The following MORC4 variants were observed in gnomAD, a reference collection of about 807,000 sequenced individuals.
MORC4 encodes the protein MORC family CW-type zinc finger 4, also known as MORC family CW-type zinc finger protein 4.
MORC4 carries 22 observed loss-of-function variants against 65.5 expected under a neutral mutation model. The ratio of observed to expected loss-of-function variants is 0.34; its 90% CI spans 0.24 to 0.48. The LOEUF (loss-of-function observed/expected upper bound fraction) is 0.48, where lower values mean the gene tolerates loss of function less well. Among genes scored for constraint, MORC4 ranks in the 20% least tolerant of loss-of-function variants. The pLI is 0.99. For synonymous variants in MORC4, 267 were observed against 255.8 expected (o/e 1.04, Z -0.42); for missense variants, 624 against 703.0 (o/e 0.89, Z 1.27).
chrX:106,965,753 A>C (rs1200834934), intron 9 of MORC4, among the ~76,000 whole-genome samples: 1 of 112,498 alleles, frequency 8.9e-6, no homozygotes, highest in East Asian at 2.8e-4. Context: ...CTCAGAAAGA[A>C]GTGAAAAGTA....
intron 5 of MORC4, among the ~76,000 whole-genome samples, chrX:106,983,274 T>A (rs1245325186): frequency 8.9e-6 from 1 of 112,345 alleles, no homozygotes; most frequent in Non-Finnish European, 1.9e-5. Context: ...CTCAAAAAAT[T>A]CTTTGTAATA....
chrX:106,957,752 G>A (rs1327759007), intron 11 of MORC4, among the ~76,000 whole-genome samples: 2 of 111,697 alleles, frequency 1.8e-5, no homozygotes, highest in Non-Finnish European at 3.8e-5. Flanking sequence ...ATATACAATA[G>A]GTACAGGTAC....
intron 14 of MORC4, among the ~76,000 whole-genome samples, chrX:106,952,394 T>C (rs1933995009): frequency 8.9e-6 from 1 of 112,520 alleles, no homozygotes. Flanking sequence ...ATCAAATATA[T>C]CTAAATATAC....
chrX:106,947,940 T>G (rs1380477514), intron 14 of MORC4, among the ~76,000 whole-genome samples: 2 of 110,104 alleles, frequency 1.8e-5, no homozygotes, highest in Non-Finnish European at 3.8e-5. Context: ...ATATAAAATC[T>G]GATATCTGTC....
intron 8 of MORC4, 128 bp downstream of exon 8, chrX:106,977,952 G>A: frequency 1.4e-6 from 1 of 704,850 alleles, no homozygotes; most frequent in Non-Finnish European, 2.1e-6. Flanking sequence ...CACAATTCCA[G>A]GATCAGAATT....
chrX:106,952,041 T>C (rs1364791666), intron 14 of MORC4, among the ~76,000 whole-genome samples: 1 of 101,910 alleles, frequency 9.8e-6, no homozygotes, highest in Non-Finnish European at 2.0e-5. Flanking sequence ...GAAAACTATA[T>C]GCACTTTATA....
rs867787418 is a variant in MORC4, at chrX:106,942,916, G to A, written c.1975C>T (p.Pro659Ser). 2 of 1,211,667 alleles carry A rather than the reference G, an allele frequency of 1.7e-6. No homozygotes were observed. The highest frequency in any genetic ancestry group is 2.2e-6 in the Non-Finnish European group (2 of 895,475). Residue 659 changes from proline to serine, a missense_variant, in exon 15 of 17, where the codon CCT becomes TCT. Coordinates refer to ENST00000355610, the MANE Select transcript of MORC4 (RefSeq NM_024657.5). ...AKDQRQGSLL[P>S]EELEDQMPRL... ...GGCATCTGATCTTCTAATTCTTCAG[G>A]AAGCAGGGACCCCTGGCGTTGGTCT... is the stretch of plus-strand genomic sequence containing the variant.
intron 9 of MORC4, among the ~76,000 whole-genome samples, chrX:106,963,133 A>G (rs1934288576): frequency 8.9e-6 from 1 of 111,927 alleles, no homozygotes; most frequent in Non-Finnish European, 1.9e-5. Context: ...CCTTCCCTCA[A>G]GTCACAGATG....
intron 9 of MORC4, among the ~76,000 whole-genome samples, chrX:106,970,898 A>T (rs1217753316): frequency 8.9e-6 from 1 of 111,832 alleles, no homozygotes; most frequent in Non-Finnish European, 1.9e-5. Flanking sequence ...GCCCAAAGTA[A>T]TTTATAGATT....
chrX:106,969,699 C>T (rs192470956), intron 9 of MORC4, among the ~76,000 whole-genome samples: 14 of 112,046 alleles, frequency 1.2e-4, no homozygotes, highest in South Asian at 7.5e-4. Flanking sequence ...CTATAAACAC[C>T]TCTACGCAAA....
chrX:106,957,342 A>C (rs1328502928), intron 11 of MORC4, among the ~76,000 whole-genome samples: 2 of 111,779 alleles, frequency 1.8e-5, no homozygotes, highest in African/African-American at 6.5e-5. Context: ...GTATTCAAAA[A>C]CGAGACTTCT....
chrX:106,943,394 G>A (rs931461470), intron 14 of MORC4, among the ~76,000 whole-genome samples, 189 bp from the exon 15 acceptor site: 5 of 111,521 alleles, frequency 4.5e-5, no homozygotes, highest in Non-Finnish European at 9.4e-5. Flanking sequence ...TGGTATTAAC[G>A]GAGAGGTGAA....
chrX:106,960,356 T>C (rs1934206679), intron 10 of MORC4, among the ~76,000 whole-genome samples: 1 of 112,115 alleles, frequency 8.9e-6, no homozygotes, highest in Middle Eastern at 4.2e-3. Context: ...GCCCATGCTT[T>C]CAGGAAATTG....
chrX:106,941,389 AGAG>A lies in MORC4; in HGVS notation c.*87_*89del, dbSNP rs1569292765. On this transcript the variant is annotated 3_prime_UTR_variant, in exon 17 of 17. Coordinates refer to ENST00000355610, the MANE Select transcript of MORC4 (RefSeq NM_024657.5). ...GTGAGGGTGAGAGAGAGAGAGAGAG[AGAG>A]AGAGAGAGAGAGAGAGAGACGTGAG... 4.4e-6 allele frequency: 3 copies of A among 674,283 alleles called. No homozygotes were observed. Among genetic ancestry groups the A allele is most frequent in the Middle Eastern group, 3.4e-4 (1 of 2,984 alleles). The allele number at this position is 674,283 out of a possible 1,213,427, so 55.6% of individuals were successfully genotyped here. A position where few individuals can be genotyped will look rare whatever the true frequency, so the allele number is the denominator to read the frequency against.
chrX:106,963,845 C>A (rs1381158991), intron 9 of MORC4, among the ~76,000 whole-genome samples: 1 of 109,656 alleles, frequency 9.1e-6, no homozygotes, highest in Non-Finnish European at 1.9e-5. Context: ...TCAGGTCAAT[C>A]CTTGGCACAG....
At chrX:106,974,749 T>A (rs190902374) in intron 9 of MORC4, among the ~76,000 whole-genome samples, 1 of 111,995 alleles carries the variant, frequency 8.9e-6, no homozygotes, top group African/African-American at 3.2e-5. Flanking sequence ...CAGGTTTTGA[T>A]ATCTATAATA....
chrX:106,958,374 T>G lies in MORC4; in HGVS notation c.1347A>C (p.Ala449=). ...GGGAATTATAATAACAAAACCATCT[T>G]GCAGGTAACATGGATGGATCAATCT... ...PGKIDPSMLP[A]RWFCYYNSHP... The change falls in exon 11 of 17, where the codon GCA becomes GCC. Residue 449 remains alanine (A), a synonymous_variant. Transcript: ENST00000355610. 8.3e-7 allele frequency: 1 copy of G among 1,206,322 alleles called. No individual in the cohort carries two copies. The highest frequency in any genetic ancestry group is 1.1e-6 in the Non-Finnish European group (1 of 891,063).
In MORC4 at chrX:106,993,283, G is replaced by A. The variant is rs368485064; in HGVS notation, c.255C>T (p.Thr85=). 2.5e-6 allele frequency: 3 copies of A among 1,209,657 alleles called. No individual in the cohort carries two copies. The highest frequency in any genetic ancestry group is 3.4e-6 in the Non-Finnish European group (3 of 893,677). ...VEEVKNKSCL[T]FTDDGCGMTP... is the part of the protein sequence containing the mutation. The stretch of plus-strand genomic sequence containing the variant: ...TCATCCCACATCCATCATCGGTAAA[G>A]GTCAAACAAGATTTATTCTTGACCT... Residue 85 remains threonine, a synonymous_variant, in exon 3 of 17, where the codon ACC becomes ACT. Coordinates refer to ENST00000355610, the MANE Select transcript of MORC4 (RefSeq NM_024657.5).
In MORC4 at chrX:106,986,012, A is replaced by G. The variant is rs1462635445; in HGVS notation, c.497T>C (p.Val166Ala). ...LECVQAQAVI[V>A]PIVPFNQQNK... ...TTGCTGGTTGAATGGAACAATTGGT[A>G]CAATAACTGCCTGGGCCTGGACACA... The change falls in exon 4 of 17, where the codon GTA becomes GCA. Residue 166 changes from valine to alanine, a missense_variant. Coordinates refer to ENST00000355610, the MANE Select transcript of MORC4 (RefSeq NM_024657.5). The G allele has an allele frequency of 1.7e-6, 2 of 1,209,848 alleles. No homozygotes were observed. Among genetic ancestry groups the G allele is most frequent in the Admixed American group, 4.4e-5 (2 of 45,973 alleles).
Sources: gnomAD v4.1 joint callset for allele counts (sites outside exome capture counted in the v4.1 genomes callset) on GRCh38, gnomAD v4.1.1 for gene constraint, MANE v1.5 for transcripts, NCBI Gene and HGNC (gene_info 2026-07-23, HGNC 2026-07-21) for gene names.